The following CREBRF variants were observed in gnomAD, a reference collection of about 807,000 sequenced individuals.
The protein encoded by CREBRF is CREB3 regulatory factor.
CREBRF carries 5 observed loss-of-function variants against 66.1 expected under a neutral mutation model. The ratio of observed to expected loss-of-function variants is 0.08; its 90% confidence interval spans 0.04 to 0.16. The LOEUF (loss-of-function observed/expected upper bound fraction) is 0.16. Among genes scored for constraint, CREBRF ranks in the 10% least tolerant of loss-of-function variants. The pLI, the probability that CREBRF is intolerant of heterozygous loss-of-function variation, is 1.00. For synonymous variants in CREBRF, 229 were observed against 264.4 expected, an observed-to-expected ratio of 0.87 and a Z score of 1.30; for missense variants, 531 against 744.9, an observed-to-expected ratio of 0.71 and a Z score of 3.34.
At chr5:173,069,336 T>A (rs190417677) in intron 1 of CREBRF, among the ~76,000 whole-genome samples, 18 of 152,206 alleles carry the variant, frequency 1.2e-4, no homozygotes, top group East Asian at 9.7e-4. Flanking sequence ...TTCTTTTTTT[T>A]AAATATATTT....
At chr5:173,063,826 A>C (rs1462008837) in intron 1 of CREBRF, among the ~76,000 whole-genome samples, 1 of 151,844 alleles carries the variant, frequency 6.6e-6, no homozygotes, top group Non-Finnish European at 1.5e-5. Flanking sequence ...GGTTCAAGCA[A>C]TTCTCCTGCC....
intron 8 of CREBRF, among the ~76,000 whole-genome samples, chr5:173,132,208 C>G (rs1759445695): frequency 6.7e-6 from 1 of 149,440 alleles, no homozygotes; most frequent in South Asian, 2.1e-4. Flanking sequence ...GCCTCAGCCT[C>G]CTGAGTAGCT....
Position 173,090,986 on chromosome 5 carries a change from A to G in CREBRF, c.807A>G (p.Ala269=), listed in dbSNP as rs113149390. The stretch of plus-strand genomic sequence containing the variant: ...AGGAGAACACCTGCTACTGTGGTGC[A>G]GTGGCAAAGAGACAAGAGAAAAAAG... The part of the protein sequence containing the change: ...AAKENTCYCG[A]VAKRQEKKGM... Residue 269 remains alanine, a synonymous_variant, in exon 4 of 9, where the codon GCA becomes GCG. Transcript: ENST00000296953. The surrounding 1 kb of genome is among the most constrained non-coding windows in gnomAD (Gnocchi z 4.5). 6.2e-7 allele frequency: 1 copy of G among 1,614,122 alleles called. No individual in the cohort carries two copies. The highest frequency in any genetic ancestry group is 1.3e-5 in the African/African-American group (1 of 74,944).
At chr5:173,100,128 A>ATATAATTTTTTTTTTTTTTTTTTTTTTT (rs1758588683) in intron 4 of CREBRF, among the ~76,000 whole-genome samples, 2 of 109,650 alleles carry the variant, frequency 1.8e-5, no homozygotes, top group African/African-American at 6.6e-5. Context: ...GTATATATAT[A>ATATAATTTTTTTTTTTTTTTTTTTTTTT]TAATTTTTTT....
chr5:173,058,835 G>A (rs1333456589), intron 1 of CREBRF, among the ~76,000 whole-genome samples: 1 of 120,094 alleles, frequency 8.3e-6, no homozygotes, highest in Admixed American at 1.1e-4. Context: ...TCCGTCTGTC[G>A]CCCAGGCTGG....
rs1414726134 is a variant in CREBRF, at chr5:173,091,076, A to G, written c.897A>G (p.Leu299=). The G allele has an allele frequency of 6.8e-6, 11 of 1,614,046 alleles. No individual in the cohort carries two copies. Among genetic ancestry groups the G allele is most frequent in the Non-Finnish European group, 9.3e-6 (11 of 1,180,034 alleles). ...CTTTTAAAGAAACCCAGGAACTATT[A>G]CTAAGTCCCCTGCCCCAGGAAGGTC... ...ALPFKETQEL[L]LSPLPQEGPG... The change falls in exon 4 of 9, where the codon TTA becomes TTG. Residue 299 remains leucine (L), a synonymous_variant. Transcript: ENST00000296953.
chr5:173,086,244 A>G lies in CREBRF; in HGVS notation c.10-257A>G. 6 of 723,226 alleles carry G rather than the reference A, an allele frequency of 8.3e-6. No homozygotes were observed. The South Asian group carries it at 9.0e-5, about 11-fold the overall frequency. 44.8% of individuals were successfully genotyped at this position (723,226 alleles called of 1,614,324 possible). On this transcript the variant is annotated intron_variant, in intron 2 of 8. Coordinates refer to ENST00000296953, the MANE Select transcript of CREBRF (RefSeq NM_153607.3). ...TTTGTATCCACTTTAAATATTTCAA[A>G]TCTGATGTTGACCTCAGCTTCTCCA...
In CREBRF at chr5:173,099,892, CT is replaced by C. The variant is rs530015508; in HGVS notation, c.1222+8507del. 8.2e-3 allele frequency among the ~76,000 whole-genome samples: 1,118 copies of C among 135,856 alleles called. 10 individuals carry two copies. The highest frequency in any genetic ancestry group is 0.022 in the African/African-American group (825 of 37,072). The allele number at this position is 135,856 out of a possible 152,430, so 89.1% of individuals were successfully genotyped here. A position where few individuals can be genotyped will look rare whatever the true frequency, so the allele number is the denominator to read the frequency against. ...CCTTAAGAAATTATTTTATATATAG[CT>C]TTTTTTTTTTTTTTTGAGACAGAGT... On this transcript the variant is annotated intron_variant, in intron 4 of 8. Transcript: ENST00000296953.
In CREBRF at chr5:173,092,237, T is replaced by C. The variant is rs78216725; in HGVS notation, c.1222+836T>C. On this transcript the variant is annotated intron_variant, in intron 4 of 8. Transcript: ENST00000296953. Reference sequence around the variant, plus strand: ...CCCAACAAAGTCTATTTATGAATAATGTAAAAGCATTTTCTTTGTGTCTGC... The same window carrying C: ...CCCAACAAAGTCTATTTATGAATAACGTAAAAGCATTTTCTTTGTGTCTGC... 2.1e-5 allele frequency: 20 copies of C among 974,214 alleles called. 1 individual carries two copies. In the East Asian group the frequency reaches 2.3e-3, roughly 111 times the overall value. The allele number at this position is 974,214 out of a possible 1,614,324, so 60.3% of individuals were successfully genotyped here. A position where few individuals can be genotyped will look rare whatever the true frequency, so the allele number is the denominator to read the frequency against.
chr5:173,087,440 G>A (rs1351498856), intron 3 of CREBRF, among the ~76,000 whole-genome samples: 2 of 151,748 alleles, frequency 1.3e-5, no homozygotes, highest in African/African-American at 4.8e-5. Flanking sequence ...GCTCACGCCT[G>A]TAATCCCAGC....
chr5:173,090,306 C>G lies in CREBRF; in HGVS notation c.136-9C>G, dbSNP rs1758289503. 2 of 1,560,042 alleles carry G rather than the reference C, an allele frequency of 1.3e-6. No individual in the cohort carries two copies. The highest frequency in any genetic ancestry group is 1.9e-5 in the Admixed American group (1 of 53,672). ...TGATGTGCAATTTCTTTTTTAAAAC[C>G]TTTCTCAGGATAGAGAGATGAACTA... On this transcript the variant is annotated splice_polypyrimidine_tract_variant and intron_variant, in intron 3 of 8. Coordinates refer to ENST00000296953, the MANE Select transcript of CREBRF (RefSeq NM_153607.3). This position sits in a 1 kb window ranked among gnomAD's most constrained non-coding sequence, Gnocchi z 4.5.
intron 2 of CREBRF, among the ~76,000 whole-genome samples, chr5:173,082,926 A>AC (rs1758005282): frequency 7.2e-6 from 1 of 139,656 alleles, no homozygotes; most frequent in Non-Finnish European, 1.5e-5. Context: ...AAAAAAAAAA[A>AC]AAAAAAAAAA....
intron 7 of CREBRF, among the ~76,000 whole-genome samples, chr5:173,121,181 A>T (rs905550532): frequency 6.6e-6 from 1 of 152,130 alleles, no homozygotes; most frequent in African/African-American, 2.4e-5. Context: ...TTCATGATGG[A>T]TCTACCTGGG....
At position 173,133,985 on chromosome 5, in the gene CREBRF, A is replaced by C. The variant is rs976762510; in HGVS notation, c.*240A>C. On this transcript the variant is annotated 3_prime_UTR_variant, in exon 9 of 9. Coordinates refer to ENST00000296953, the MANE Select transcript of CREBRF (RefSeq NM_153607.3). ...ATCAGAATTGAAAATCATATGTTTA[A>C]GTAAATGTTAGGTACAGATTACAAA... 9 of 290,004 alleles carry C rather than the reference A, an allele frequency of 3.1e-5. No homozygotes were observed. Among genetic ancestry groups the C allele is most frequent in the Non-Finnish European group, 5.8e-5 (9 of 154,748 alleles). 18.0% of individuals were successfully genotyped at this position (290,004 alleles called of 1,614,324 possible).
chr5:173,109,444 C>T (rs1758823309), intron 5 of CREBRF: 1 of 152,102 alleles, frequency 6.6e-6, no homozygotes, highest in South Asian at 2.1e-4. Context: ...CTACTGCACT[C>T]CATCCTGGGC....
At chr5:173,101,153 C>T (rs998209233) in intron 4 of CREBRF, among the ~76,000 whole-genome samples, 4 of 152,128 alleles carry the variant, frequency 2.6e-5, no homozygotes, top group African/African-American at 9.7e-5. Flanking sequence ...CCTCAATCTC[C>T]TGGGCTCAAG....
intron 8 of CREBRF, chr5:173,123,526 T>G (rs978449614): frequency 4.1e-6 from 1 of 246,596 alleles, no homozygotes; most frequent in African/African-American, 2.4e-5. Context: ...GTAGAGATTC[T>G]TACTTGTTTT....
intron 4 of CREBRF, among the ~76,000 whole-genome samples, chr5:173,095,862 CT>C (rs34109166): frequency 1.4e-5 from 2 of 142,898 alleles, no homozygotes; most frequent in Non-Finnish European, 3.1e-5. Context: ...TTTCTAATTT[CT>C]TTTTTGGATA....
At chr5:173,070,695 G>C (rs912614355) in intron 1 of CREBRF, among the ~76,000 whole-genome samples, 1 of 151,970 alleles carries the variant, frequency 6.6e-6, no homozygotes, top group Non-Finnish European at 1.5e-5. Context: ...AAATTCAGGA[G>C]TACAATTTTT....
Sources: allele counts gnomAD v4.1 joint callset (sites outside exome capture counted in the v4.1 genomes callset), GRCh38; gene constraint gnomAD v4.1.1; non-coding constraint Gnocchi (gnomAD v3.1); transcripts MANE v1.5; gene names NCBI Gene and HGNC (gene_info 2026-07-23, HGNC 2026-07-21).